Variants in GABRB2 observed in about 807,000 individuals in gnomAD.
GABRB2 encodes gamma-aminobutyric acid receptor subunit beta-2.
In GABRB2, 16 loss-of-function variants were observed where a neutral mutation model predicts 54.7. The ratio of observed to expected loss-of-function variants is 0.29; its 90% CI spans 0.20 to 0.44. GABRB2 has a LOEUF of 0.44. Ranked by LOEUF, GABRB2 falls within the 20% of genes least tolerant of loss-of-function variation. The pLI is 1.00. For synonymous variants in GABRB2, 244 were observed against 233.8 expected (o/e 1.04, Z -0.40); for missense variants, 355 against 644.0 (o/e 0.55, Z 4.86).
Position 161,291,004 on chromosome 5 carries a change from T to C in GABRB2, c.*3077A>G, listed in dbSNP as rs528639888. ...AGAAGAGAAAAGGTCTAGATGGCACTGCTTGAATCTTTTCCCCTGTTAATA... is the reference window on the plus strand; with the variant it reads ...AGAAGAGAAAAGGTCTAGATGGCACCGCTTGAATCTTTTCCCCTGTTAATA... On this transcript the variant is annotated 3_prime_UTR_variant, in exon 10 of 10. Transcript: ENST00000393959. The C allele has an allele frequency of 6.6e-6, 1 of 152,588 alleles. No homozygotes were observed. Among genetic ancestry groups the C allele is most frequent in the South Asian group, 2.1e-4 (1 of 4,832 alleles). 9.5% of individuals were successfully genotyped at this position (152,588 alleles called of 1,614,324 possible). A position where few individuals can be genotyped will look rare whatever the true frequency, so the allele number is the denominator to read the frequency against.
intron 9 of GABRB2, among the ~76,000 whole-genome samples, chr5:161,299,732 C>T (rs909577992): frequency 9.2e-5 from 14 of 151,816 alleles, no homozygotes; most frequent in Admixed American, 1.3e-4. Context: ...CTTTGTTTTT[C>T]TGTTATTTGC....
chr5:161,424,668 AT>A (rs958357110), intron 4 of GABRB2, among the ~76,000 whole-genome samples: 1 of 152,058 alleles, frequency 6.6e-6, no homozygotes, highest in African/African-American at 2.4e-5. Flanking sequence ...GGAAATTAAT[AT>A]TTTTAGGCCT....
At chr5:161,479,147 A>T (rs1197526318) in intron 3 of GABRB2, among the ~76,000 whole-genome samples, 2 of 152,096 alleles carry the variant, frequency 1.3e-5, no homozygotes, top group Non-Finnish European at 2.9e-5. Context: ...ACATAAATGC[A>T]TATGACTACT....
chr5:161,531,855 T>C (rs1245952865), intron 3 of GABRB2, among the ~76,000 whole-genome samples: 1 of 152,132 alleles, frequency 6.6e-6, no homozygotes. Context: ...ATACACTGCA[T>C]ATTAATACAT....
At chr5:161,461,042 T>C (rs540916213) in intron 3 of GABRB2, among the ~76,000 whole-genome samples, 6 of 152,196 alleles carry the variant, frequency 3.9e-5, no homozygotes, top group Admixed American at 2.6e-4. Context: ...CAGTGATACA[T>C]AGGGAGAGTA....
In GABRB2 at chr5:161,293,197, G is replaced by A. The variant is rs551759820; in HGVS notation, c.*884C>T. Reference sequence around the variant, plus strand: ...AGGTATGCTGTCAAAAGCTAGTGATGTTGGAAAAACAATCTCTCTTACTCA... The same window carrying A: ...AGGTATGCTGTCAAAAGCTAGTGATATTGGAAAAACAATCTCTCTTACTCA... On this transcript the variant is annotated 3_prime_UTR_variant, in exon 10 of 10. Coordinates refer to ENST00000393959, the MANE Select transcript of GABRB2 (RefSeq NM_001371727.1). 12 of 152,186 alleles carry A rather than the reference G, an allele frequency of 7.9e-5. No individual in the cohort carries two copies. The highest frequency in any genetic ancestry group is 1.6e-4 in the Non-Finnish European group (11 of 68,030). 9.4% of individuals were successfully genotyped at this position (152,186 alleles called of 1,614,324 possible).
At chr5:161,353,718 T>C (rs1292696049) in intron 5 of GABRB2, among the ~76,000 whole-genome samples, 1 of 152,038 alleles carries the variant, frequency 6.6e-6, no homozygotes, top group East Asian at 1.9e-4. Flanking sequence ...GTCTTTGTGC[T>C]GACCCTACCA....
Position 161,527,552 on chromosome 5 carries a change from C to G in GABRB2, c.237+17675G>C, listed in dbSNP as rs183424536. ...ATATATTATTCACAAAGTTATTATA[C>G]AAGGAAATAAGTCTGCAATATGTGA... On this transcript the variant is annotated intron_variant, in intron 3 of 9. Transcript: ENST00000393959. Among the ~76,000 whole-genome samples the G allele has an allele frequency of 8.6e-3, 1,295 of 151,354 alleles. 15 individuals carry two copies. The highest frequency in any genetic ancestry group is 0.015 in the Non-Finnish European group (991 of 67,540).
chr5:161,449,571 T>A (rs1334446607), intron 4 of GABRB2, among the ~76,000 whole-genome samples: 1 of 152,166 alleles, frequency 6.6e-6, no homozygotes, highest in East Asian at 1.9e-4. Flanking sequence ...TAGAGAAAAC[T>A]TAATCATTAA....
Position 161,331,124 on chromosome 5 carries a change from ATTCCTG to A in GABRB2, c.833-3_835del. ...TGTGGTCATTGTGAGGACAGTTGTG[ATTCCTG>A]AAAAAAAATGGGAGAGTTAGAGTAA... On this transcript the variant is annotated splice_acceptor_variant and splice_polypyrimidine_tract_variant and coding_sequence_variant and intron_variant, in exon 8 of 10. Coordinates refer to ENST00000393959, the MANE Select transcript of GABRB2 (RefSeq NM_001371727.1). LOFTEE classifies it high-confidence loss of function. The A allele has an allele frequency of 1.9e-6, 3 of 1,545,070 alleles. No homozygotes were observed. Among genetic ancestry groups the A allele is most frequent in the South Asian group, 2.5e-5 (2 of 80,664 alleles).
At chr5:161,453,962 C>T (rs771012681) in intron 4 of GABRB2, among the ~76,000 whole-genome samples, 4 of 150,196 alleles carry the variant, frequency 2.7e-5, no homozygotes, top group East Asian at 2.0e-4. Flanking sequence ...TGCTTGAACC[C>T]GGGAGGCAGA....
At chr5:161,439,679 A>T (rs2113204169) in intron 4 of GABRB2, among the ~76,000 whole-genome samples, 2 of 151,904 alleles carry the variant, frequency 1.3e-5, no homozygotes, top group Middle Eastern at 6.8e-3. Context: ...AAAGAGTAGA[A>T]TTTTTATTAG....
chr5:161,456,091 C>A (rs1453096514), intron 4 of GABRB2, among the ~76,000 whole-genome samples: 3 of 152,140 alleles, frequency 2.0e-5, no homozygotes, highest in Non-Finnish European at 4.4e-5. Context: ...TTAGATTTTG[C>A]CTTAAACTCA....
chr5:161,330,643 A>G, intron 8 of GABRB2: 1 of 515,888 alleles, frequency 1.9e-6, no homozygotes, highest in Non-Finnish European at 3.5e-6. Flanking sequence ...AGAAAGCATC[A>G]TAAAGGTCTT....
chr5:161,546,805 A>T, upstream of GABRB2: 2 of 1,259,776 alleles, frequency 1.6e-6, no homozygotes, highest in Non-Finnish European at 2.1e-6. Context: ...CCTTGTTTAA[A>T]AAAAAAAAAA....
intron 3 of GABRB2, among the ~76,000 whole-genome samples, chr5:161,488,397 C>G (rs187583225): frequency 6.6e-5 from 10 of 151,762 alleles, no homozygotes; most frequent in Admixed American, 1.3e-4. Context: ...TATGCTATTT[C>G]TCTCACTGTG....
At chr5:161,360,792 G>A (rs1754786127) in intron 5 of GABRB2, among the ~76,000 whole-genome samples, 1 of 151,428 alleles carries the variant, frequency 6.6e-6, no homozygotes, top group Non-Finnish European at 1.5e-5. Context: ...GAATTATTTT[G>A]GTCAAAAAAT....
intron 3 of GABRB2, among the ~76,000 whole-genome samples, chr5:161,527,764 G>A (rs1760328541): frequency 6.6e-6 from 1 of 151,528 alleles, no homozygotes; most frequent in Non-Finnish European, 1.5e-5. Flanking sequence ...AGTTAATCAT[G>A]GAAATTAACT....
At chr5:161,373,013 A>C (rs1439170468) in intron 5 of GABRB2, among the ~76,000 whole-genome samples, 1 of 152,216 alleles carries the variant, frequency 6.6e-6, no homozygotes, top group Non-Finnish European at 1.5e-5. Context: ...AACACAGTGA[A>C]GTGCTATGAG....
Sources: gnomAD v4.1 joint callset for allele counts (sites outside exome capture counted in the v4.1 genomes callset) on GRCh38, gnomAD v4.1.1 for gene constraint, MANE v1.5 for transcripts, NCBI Gene and HGNC (gene_info 2026-07-23, HGNC 2026-07-21) for gene names.